BMPR2: variants seen among roughly 807,000 people sequenced by gnomAD.
BMPR2 encodes bone morphogenetic protein receptor type 2.
BMPR2 carries 29 observed loss-of-function variants against 100.8 expected under a neutral mutation model. The ratio of observed to expected loss-of-function variants is 0.29; its 90% CI spans 0.21 to 0.39. The LOEUF (loss-of-function observed/expected upper bound fraction) is 0.39, where lower values mean the gene tolerates loss of function less well. BMPR2 is among the 10% of genes least tolerant of loss of function. The pLI, the probability that BMPR2 is intolerant of heterozygous loss-of-function variation, is 1.00. For synonymous variants in BMPR2, 382 were observed against 442.3 expected (o/e 0.86, Z 1.71); for missense variants, 1,011 against 1,274.5 (o/e 0.79, Z 3.15).
chr2:202,457,061 T>C (rs754246769), intron 1 of BMPR2, among the ~76,000 whole-genome samples: 1 of 152,156 alleles, frequency 6.6e-6, no homozygotes, highest in Non-Finnish European at 1.5e-5. Context: ...GATATACCTT[T>C]CCAATAACCC....
chr2:202,400,744 A>G (rs1690755169), intron 1 of BMPR2, among the ~76,000 whole-genome samples: 2 of 152,220 alleles, frequency 1.3e-5, no homozygotes, highest in Admixed American at 6.5e-5. Flanking sequence ...TGATTAGTGC[A>G]TAGTTTTAAA....
At chr2:202,388,752 C>G (rs956642086) in intron 1 of BMPR2, among the ~76,000 whole-genome samples, 8 of 149,632 alleles carry the variant, frequency 5.3e-5, no homozygotes, top group African/African-American at 1.2e-4. Flanking sequence ...TGCGCCACTG[C>G]ACTCCAGCCT....
chr2:202,555,181 G>A, intron 11 of BMPR2, 71 bp from the exon 12 acceptor site: 1 of 1,332,890 alleles, frequency 7.5e-7, no homozygotes, highest in Non-Finnish European at 1.1e-6. Context: ...AAAATCAGAG[G>A]TGTTAAATTT....
chr2:202,557,891 AG>A (rs1427746730), intron 12 of BMPR2, among the ~76,000 whole-genome samples: 2 of 152,218 alleles, frequency 1.3e-5, no homozygotes, highest in Non-Finnish European at 2.9e-5. Context: ...AAGAGCTCCA[AG>A]TAATGTTATA....
intron 1 of BMPR2, among the ~76,000 whole-genome samples, chr2:202,438,893 A>G (rs1293906109): frequency 6.6e-6 from 1 of 150,708 alleles, no homozygotes; most frequent in East Asian, 1.9e-4. Flanking sequence ...TTTTGAAATC[A>G]GGAAATGTGA....
intron 1 of BMPR2, among the ~76,000 whole-genome samples, chr2:202,397,327 G>A (rs1204469349): frequency 6.6e-6 from 1 of 151,972 alleles, no homozygotes; most frequent in East Asian, 1.9e-4. Context: ...GCGATGTGCA[G>A]TACATACATT....
chr2:202,473,735 G>T (rs976847524), intron 3 of BMPR2, among the ~76,000 whole-genome samples: 1 of 151,406 alleles, frequency 6.6e-6, no homozygotes, highest in Non-Finnish European at 1.5e-5. Flanking sequence ...AGGTTGCAGT[G>T]AGCAGAGATT....
chr2:202,440,940 A>C lies in BMPR2; in HGVS notation c.77-23869A>C, dbSNP rs143568968. Among the ~76,000 whole-genome samples the C allele has an allele frequency of 5.9e-3, 891 of 150,536 alleles. 34 individuals carry two copies. The highest frequency in any genetic ancestry group is 0.033 in the Admixed American group (498 of 15,208). The stretch of plus-strand genomic sequence containing the variant: ...TTAAGACATTAAATACACATTGACT[A>C]GTATTTATTTGCTTTCCCACATAGA... On this transcript the variant is annotated intron_variant, in intron 1 of 12. Transcript: ENST00000374580.
chr2:202,519,757 A>G (rs944694691), intron 6 of BMPR2, among the ~76,000 whole-genome samples: 8 of 152,204 alleles, frequency 5.3e-5, no homozygotes, highest in Admixed American at 4.6e-4. Context: ...AACCATAACA[A>G]TATAATTTGT....
At chr2:202,434,908 A>AAAAAAAAATATAT (rs1559037398) in intron 1 of BMPR2, among the ~76,000 whole-genome samples, 1 of 38,424 alleles carries the variant, frequency 2.6e-5, no homozygotes, top group Non-Finnish European at 4.4e-5. Context: ...AAAAAAAAAA[A>AAAAAAAAATATAT]ATATATATAT....
intron 12 of BMPR2, among the ~76,000 whole-genome samples, chr2:202,558,901 A>T (rs1214474005): frequency 1.3e-5 from 2 of 151,818 alleles, no homozygotes; most frequent in African/African-American, 4.8e-5. Flanking sequence ...TCAAAAAAAA[A>T]AAAAAAAAAA....
chr2:202,422,040 C>CT (rs1402588474), intron 1 of BMPR2, among the ~76,000 whole-genome samples: 1 of 151,980 alleles, frequency 6.6e-6, no homozygotes, highest in Non-Finnish European at 1.5e-5. Flanking sequence ...TCCCAAGTAG[C>CT]TGGGATAACA....
At chr2:202,423,849 G>C (rs1393295337) in intron 1 of BMPR2, among the ~76,000 whole-genome samples, 3 of 151,902 alleles carry the variant, frequency 2.0e-5, no homozygotes, top group Non-Finnish European at 4.4e-5. Flanking sequence ...GAGGCCAGGA[G>C]TTCAAGACCA....
At chr2:202,428,131 C>T (rs546034575) in intron 1 of BMPR2, among the ~76,000 whole-genome samples, 8 of 152,304 alleles carry the variant, frequency 5.3e-5, no homozygotes, top group Non-Finnish European at 7.4e-5. Flanking sequence ...AGCTGTAGCT[C>T]CCTCCTGTCT....
At chr2:202,380,852 CAG>C (rs1381343885) in intron 1 of BMPR2, among the ~76,000 whole-genome samples, 1 of 151,148 alleles carries the variant, frequency 6.6e-6, no homozygotes, top group African/African-American at 2.4e-5. Context: ...CTCCTGATCT[CAG>C]GTGATCTGCC....
chr2:202,431,320 C>T lies in BMPR2; in HGVS notation c.77-33489C>T, dbSNP rs571555326. 2.0e-5 allele frequency among the ~76,000 whole-genome samples: 3 copies of T among 150,698 alleles called. No individual in the cohort carries two copies. In the East Asian group the frequency reaches 5.8e-4, roughly 29 times the overall value. ...TAAGACACATGTTTTTCAAGGTATT[C>T]TGTTGCTGTTGATGAGTTTTGAGAG... On this transcript the variant is annotated intron_variant, in intron 1 of 12. Transcript: ENST00000374580.
intron 1 of BMPR2, among the ~76,000 whole-genome samples, chr2:202,381,664 C>A (rs1198977640): frequency 2.0e-5 from 3 of 152,174 alleles, no homozygotes; most frequent in Non-Finnish European, 4.4e-5. Flanking sequence ...CCACATATAA[C>A]CAGTAAGATG....
At chr2:202,427,208 AG>A (rs1300715956) in intron 1 of BMPR2, among the ~76,000 whole-genome samples, 2 of 152,058 alleles carry the variant, frequency 1.3e-5, no homozygotes, top group African/African-American at 2.4e-5. Context: ...AAAATTAGCC[AG>A]GTGTGCCAAG....
Position 202,546,081 on chromosome 2 carries a change from T to G in BMPR2, c.1413+3634T>G, listed in dbSNP as rs572100884. On this transcript the variant is annotated intron_variant, in intron 10 of 12. Transcript: ENST00000374580. ...ATCATATGCATATTTACCTGAAAAC[T>G]TTTTACTTCCAGTATAGAGTAGGTT... Among the ~76,000 whole-genome samples, 295 of 152,310 alleles carry G rather than the reference T, an allele frequency of 1.9e-3. 1 individual carries two copies. Among genetic ancestry groups the G allele is most frequent in the Admixed American group, 3.3e-3 (51 of 15,290 alleles).
Sources: allele counts gnomAD v4.1 joint callset (sites outside exome capture counted in the v4.1 genomes callset), GRCh38; gene constraint gnomAD v4.1.1; transcripts MANE v1.5; gene names NCBI Gene and HGNC (gene_info 2026-07-23, HGNC 2026-07-21).